PCDHGA4: variants seen among roughly 807,000 people sequenced by gnomAD.
PCDHGA4 encodes protocadherin gamma subfamily A, 4, also known as protocadherin gamma-A4.
In PCDHGA4, 38 loss-of-function variants were observed where a neutral mutation model predicts 54.6. The ratio of observed to expected loss-of-function variants is 0.70; its 90% CI spans 0.54 to 0.91. The LOEUF (loss-of-function observed/expected upper bound fraction) is 0.91. PCDHGA4 is among the 40% of genes least tolerant of loss of function. PCDHGA4 has a pLI of 0.00. For missense variants in PCDHGA4, 1,298 were observed against 1,220.9 expected (o/e 1.06, Z -0.94); for synonymous variants, 511 against 512.9 (o/e 1.00, Z 0.05).
intron 1 of PCDHGA4, chr5:141,366,221 G>A (rs774963460): frequency 2.5e-6 from 4 of 1,613,834 alleles, no homozygotes; most frequent in Non-Finnish European, 3.4e-6. Flanking sequence ...CACAGCGCGA[G>A]CCCTGCTGGA....
chr5:141,500,084 C>T (rs1354544132), intron 2 of PCDHGA4, among the ~76,000 whole-genome samples: 1 of 152,030 alleles, frequency 6.6e-6, no homozygotes, highest in Non-Finnish European at 1.5e-5. Flanking sequence ...CCTCCATCTT[C>T]CATTTTTGCA....
rs770391604 is a variant in PCDHGA4, at chr5:141,431,437, G to A, written c.2515-63370G>A. On this transcript the variant is annotated intron_variant, in intron 1 of 3. Coordinates refer to ENST00000571252, the MANE Select transcript of PCDHGA4 (RefSeq NM_018917.4). The surrounding 1 kb of genome is among the most constrained non-coding windows in gnomAD (Gnocchi z 4.8). ...GCGACCCGGTGCGCACAGGCACCGC[G>A]CGCATCCGCGTGATGGTTCTGGATG... The A allele has an allele frequency of 7.4e-6, 12 of 1,613,710 alleles. No homozygotes were observed. In the East Asian group the frequency reaches 2.5e-4, roughly 33 times the overall value.
intron 1 of PCDHGA4, among the ~76,000 whole-genome samples, chr5:141,474,684 T>A (rs1302389621): frequency 6.6e-6 from 1 of 152,246 alleles, no homozygotes; most frequent in Non-Finnish European, 1.5e-5. Context: ...TGCCTACCCC[T>A]TCACTTATGT....
chr5:141,427,381 T>G (rs1315804574), intron 1 of PCDHGA4: 1 of 458,822 alleles, frequency 2.2e-6, no homozygotes, highest in Middle Eastern at 3.2e-4. Context: ...GTGATCACTC[T>G]GTTCAAAACA....
At chr5:141,488,198 G>C (rs1007623840) in intron 1 of PCDHGA4, among the ~76,000 whole-genome samples, 1 of 152,166 alleles carries the variant, frequency 6.6e-6, no homozygotes, top group Non-Finnish European at 1.5e-5. Flanking sequence ...CTGGGTCTTA[G>C]GACTCATATC....
At chr5:141,508,588 C>G (rs1721443459) in intron 3 of PCDHGA4, among the ~76,000 whole-genome samples, 1 of 152,176 alleles carries the variant, frequency 6.6e-6, no homozygotes, top group African/African-American at 2.4e-5. Context: ...GGGTGCTACT[C>G]AGAGATCTTG....
intron 1 of PCDHGA4, chr5:141,393,206 A>T: frequency 6.2e-7 from 1 of 1,613,588 alleles, no homozygotes; most frequent in East Asian, 2.2e-5. Context: ...ATAATAACCC[A>T]AAATTCCAGG....
Position 141,356,299 on chromosome 5 carries a change from G to A in PCDHGA4, c.1192G>A (p.Ala398Thr), listed in dbSNP as rs1226901970. Residue 398 changes from alanine to threonine, a missense_variant, in exon 1 of 4, where the codon GCA (alanine) becomes ACA (threonine). By Grantham distance (58) the Ala-to-Thr change is moderately conservative. Coordinates refer to ENST00000571252, the MANE Select transcript of PCDHGA4 (RefSeq NM_018917.4). ...ATCTTCTTCCCCGGGTACAGTAATT[G>A]CACTTTTCAACGTGCATGACAGTGA... Reference protein sequence around the residue: ...QESSSPGTVIALFNVHDSDSG... With the variant: ...QESSSPGTVITLFNVHDSDSG... 10 of 1,554,820 alleles carry A rather than the reference G, an allele frequency of 6.4e-6. No individual in the cohort carries two copies. Among genetic ancestry groups the A allele is most frequent in the Non-Finnish European group, 7.8e-6 (9 of 1,148,580 alleles).
rs1308015959 is a variant in PCDHGA4, at chr5:141,482,105, AT to A, written c.2515-12701del. Among the ~76,000 whole-genome samples, 417 of 143,332 alleles carry A rather than the reference AT, an allele frequency of 2.9e-3. 1 individual carries two copies. The highest frequency in any genetic ancestry group is 0.011 in the African/African-American group (394 of 37,394). 94.0% of individuals were successfully genotyped at this position (143,332 alleles called of 152,430 possible). Reference sequence around the variant, plus strand: ...ACTCCATCTCAAAAAAAAAAAAAAAATATCTAGAGATGGGAGAATCATATGG... The same window carrying A: ...ACTCCATCTCAAAAAAAAAAAAAAAAATCTAGAGATGGGAGAATCATATGG... On this transcript the variant is annotated intron_variant, in intron 1 of 3. Coordinates refer to ENST00000571252, the MANE Select transcript of PCDHGA4 (RefSeq NM_018917.4).
At chr5:141,451,807 G>A (rs896081470) in intron 1 of PCDHGA4, among the ~76,000 whole-genome samples, 5 of 150,778 alleles carry the variant, frequency 3.3e-5, no homozygotes, top group African/African-American at 1.2e-4. Flanking sequence ...CTTGAACCCA[G>A]GAGGCGGAGG....
intron 1 of PCDHGA4, among the ~76,000 whole-genome samples, chr5:141,386,184 C>T (rs1402266173): frequency 6.6e-6 from 1 of 152,164 alleles, no homozygotes; most frequent in Non-Finnish European, 1.5e-5. Context: ...ATCTTATGTA[C>T]ACAGATCCTA....
rs774993961 is a variant in PCDHGA4, at chr5:141,365,445, A to C, written c.2514+7824A>C. The stretch of plus-strand genomic sequence containing the variant: ...ACTGTAATCGCGCTGTTTAGCGTAC[A>C]TGATGGTGATTCTGGAGAAAATGGT... On this transcript the variant is annotated intron_variant, in intron 1 of 3. Transcript: ENST00000571252. 1 of 1,613,936 alleles carries C rather than the reference A, an allele frequency of 6.2e-7. No individual in the cohort carries two copies. The highest frequency in any genetic ancestry group is 8.5e-7 in the Non-Finnish European group (1 of 1,179,910).
chr5:141,465,782 T>G (rs2099109563), intron 1 of PCDHGA4, among the ~76,000 whole-genome samples: 1 of 152,076 alleles, frequency 6.6e-6, no homozygotes, highest in African/African-American at 2.4e-5. Flanking sequence ...TGTTACAGTT[T>G]TTTTTTTTTT....
chr5:141,465,865 G>A (rs374058078), intron 1 of PCDHGA4, among the ~76,000 whole-genome samples: 7 of 151,900 alleles, frequency 4.6e-5, no homozygotes, highest in African/African-American at 1.7e-4. Flanking sequence ...GCTCATGCCT[G>A]TAATCCCAGC....
At position 141,403,695 on chromosome 5, in the gene PCDHGA4, G is replaced by T. The variant is rs376074779; in HGVS notation, c.2514+46074G>T. On this transcript the variant is annotated intron_variant, in intron 1 of 3. Transcript: ENST00000571252. ...CCGGTTTTTGCTCAACGGATTTACC[G>T]AGTTAAAGTCCTTGAGAACGTGCCC... The T allele has an allele frequency of 2.9e-5, 46 of 1,613,780 alleles. No individual in the cohort carries two copies. The highest frequency in any genetic ancestry group is 3.7e-5 in the Non-Finnish European group (44 of 1,179,906).
chr5:141,468,505 C>A (rs1293623271), intron 1 of PCDHGA4: 1 of 152,020 alleles, frequency 6.6e-6, no homozygotes, highest in East Asian at 1.9e-4. Context: ...TTCATGTGGA[C>A]AAATTTAGTA....
At chr5:141,494,069 C>T (rs1249076667) in intron 1 of PCDHGA4, among the ~76,000 whole-genome samples, 1 of 152,146 alleles carries the variant, frequency 6.6e-6, no homozygotes, top group Non-Finnish European at 1.5e-5. Context: ...GAGCTGGATC[C>T]CTCCCCGCTG....
chr5:141,414,684 AC>A (rs1561750824), intron 1 of PCDHGA4: 1 of 1,613,924 alleles, frequency 6.2e-7, no homozygotes, highest in Admixed American at 1.7e-5. Flanking sequence ...TCCAGGGGGT[AC>A]CTCTGTCCTC....
At chr5:141,409,984 GGACGCC>G (rs2095344357) in intron 1 of PCDHGA4, 1 of 1,613,210 alleles carries the variant, frequency 6.2e-7, no homozygotes, top group Admixed American at 1.7e-5. Context: ...TGGTAGCGGT[GGACGCC>G]GACTCGGGAC....
Sources: allele counts gnomAD v4.1 joint callset (sites outside exome capture counted in the v4.1 genomes callset), GRCh38; gene constraint gnomAD v4.1.1; non-coding constraint Gnocchi (gnomAD v3.1); transcripts MANE v1.5; gene names NCBI Gene and HGNC (gene_info 2026-07-23, HGNC 2026-07-21).